Variants in GTPBP4 observed in about 807,000 individuals in gnomAD.
The protein encoded by GTPBP4 is GTP binding protein 4.
A neutral mutation model predicts 81.7 loss-of-function variants in GTPBP4; 15 were observed. That is an observed-to-expected ratio of 0.18 (90% CI 0.12 to 0.28). The LOEUF (loss-of-function observed/expected upper bound fraction) is 0.28, where lower values mean the gene tolerates loss of function less well. Among genes scored for constraint, GTPBP4 ranks in the 10% least tolerant of loss-of-function variants. The pLI is 1.00. For missense variants in GTPBP4, 847 were observed against 793.8 expected, an observed-to-expected ratio of 1.07 and a Z score of -0.81; for synonymous variants, 272 against 274.6, an observed-to-expected ratio of 0.99 and a Z score of 0.09.
At chr10:1,016,990 CAG>C (rs1832004944) in intron 16 of GTPBP4, 83 bp from the exon 17 acceptor site, 1 of 1,109,804 alleles carries the variant, frequency 9.0e-7, no homozygotes, top group Non-Finnish European at 1.3e-6. Flanking sequence ...AGCCATTAAA[CAG>C]ATTGTTACCC....
intron 8 of GTPBP4, among the ~76,000 whole-genome samples, chr10:1,005,036 C>T (rs1436188452): frequency 2.6e-5 from 4 of 152,166 alleles, no homozygotes; most frequent in Non-Finnish European, 4.4e-5. Context: ...AGGGCTGCTG[C>T]CATCCTCTTG....
intron 1 of GTPBP4, among the ~76,000 whole-genome samples, chr10:991,479 C>T (rs1287994122): frequency 6.6e-6 from 1 of 152,162 alleles, no homozygotes; most frequent in Non-Finnish European, 1.5e-5. Context: ...TCCCTTCCAT[C>T]TCTTTGGAAA....
intron 12 of GTPBP4, among the ~76,000 whole-genome samples, chr10:1,009,895 T>C (rs1203088590): frequency 6.6e-6 from 1 of 152,210 alleles, no homozygotes; most frequent in African/African-American, 2.4e-5. Flanking sequence ...CACGGGAGGC[T>C]GAGGTGGGAG....
intron 1 of GTPBP4, among the ~76,000 whole-genome samples, chr10:991,421 CTT>C (rs1448553315): frequency 6.6e-6 from 1 of 152,222 alleles, no homozygotes; most frequent in Non-Finnish European, 1.5e-5. Context: ...AGTGCTGACT[CTT>C]TGCACTGGGT....
chr10:993,764 A>G (rs1831490452), intron 2 of GTPBP4, among the ~76,000 whole-genome samples: 1 of 152,044 alleles, frequency 6.6e-6, no homozygotes, highest in South Asian at 2.1e-4. Context: ...GGCTTCTGTG[A>G]CAGTACTTCA....
chr10:1,005,697 A>C, intron 8 of GTPBP4, 121 bp from the exon 9 acceptor site: 1 of 658,682 alleles, frequency 1.5e-6, no homozygotes, highest in Non-Finnish European at 2.7e-6. Context: ...TCTGTTTTTT[A>C]AGACTTTGAA....
intron 15 of GTPBP4, among the ~76,000 whole-genome samples, chr10:1,015,251 T>C (rs956310832): frequency 1.3e-5 from 2 of 152,258 alleles, no homozygotes; most frequent in African/African-American, 4.8e-5. Flanking sequence ...GTCACTAATA[T>C]GAAAATACTG....
In GTPBP4 at chr10:997,306, A is replaced by G. The variant is rs1223218501; in HGVS notation, c.559A>G (p.Lys187Glu). 1.2e-5 allele frequency: 19 copies of G among 1,536,572 alleles called. No individual in the cohort carries two copies. The highest frequency in any genetic ancestry group is 1.7e-5 in the Non-Finnish European group (19 of 1,109,168). ...PNVGKSSFIN[K>E]VTRADVDVQP... ...TGTTGGGAAGTCCAGCTTCATCAAC[A>G]AGGTTGGTCTGGTTTTTATCGTAAA... is the stretch of plus-strand genomic sequence containing the variant. Residue 187 changes from lysine (K) to glutamate (E), a missense_variant and splice_region_variant, in exon 5 of 17, where the codon AAG becomes GAG. Transcript: ENST00000360803.
chr10:1,008,188 G>A (rs1831782793), intron 10 of GTPBP4: 3 of 452,540 alleles, frequency 6.6e-6, no homozygotes, highest in Non-Finnish European at 1.3e-5. Context: ...CGAGGCGGGT[G>A]GATCACCTGA....
At chr10:1,001,066 A>G in intron 8 of GTPBP4, 53 bp downstream of exon 8, 1 of 1,279,486 alleles carries the variant, frequency 7.8e-7, no homozygotes, top group Non-Finnish European at 1.1e-6. Flanking sequence ...CTGAATTCTC[A>G]TCTCAGACAA....
chr10:1,015,812 A>G lies in GTPBP4; in HGVS notation c.1668A>G (p.Glu556=), dbSNP rs766854430. The change falls in exon 16 of 17, where the codon GAA becomes GAG. Residue 556 remains glutamate (E), a synonymous_variant. Transcript: ENST00000360803. ...GCATCACTAGGAAAAGAAAGCGGGA[A>G]GACTCTGCTCCCCCGTCCTCTGTGG... ...SRSITRKRKR[E]DSAPPSSVAR... The G allele has an allele frequency of 6.2e-7, 1 of 1,614,050 alleles. No homozygotes were observed. Among genetic ancestry groups the G allele is most frequent in the Non-Finnish European group, 8.5e-7 (1 of 1,179,868 alleles).
intron 2 of GTPBP4, among the ~76,000 whole-genome samples, chr10:994,464 T>G (rs541408041): frequency 1.4e-4 from 21 of 152,006 alleles, no homozygotes; most frequent in African/African-American, 4.8e-4. Context: ...AGAGACGAGG[T>G]TTCTCCATGT....
chr10:1,014,253 A>T lies in GTPBP4; in HGVS notation c.1549A>T (p.Arg517Trp), dbSNP rs373137497. ...RMPRTAKKVQ[R>W]TVLEKEMRSL... is the part of the protein sequence containing the mutation. Reference sequence around the variant, plus strand: ...TTCTTTTTATCCTTCTCAGGTTCAGAGGACAGTTTTGGAGAAGGAGATGCG... The same window carrying T: ...TTCTTTTTATCCTTCTCAGGTTCAGTGGACAGTTTTGGAGAAGGAGATGCG... The change falls in exon 15 of 17, where the codon AGG (arginine) becomes TGG (tryptophan). Residue 517 changes from arginine (R) to tryptophan (W), a missense_variant. Arg to Trp is a moderately radical substitution (Grantham distance 101). Transcript: ENST00000360803. 2.5e-6 allele frequency: 4 copies of T among 1,594,264 alleles called. No individual in the cohort carries two copies. The highest frequency in any genetic ancestry group is 3.4e-6 in the Non-Finnish European group (4 of 1,162,132).
At chr10:1,005,388 A>C (rs894587305) in intron 8 of GTPBP4, among the ~76,000 whole-genome samples, 1 of 151,082 alleles carries the variant, frequency 6.6e-6, no homozygotes, top group Admixed American at 6.6e-5. Context: ...CTCATGATCC[A>C]CCCGCCTCGG....
At chr10:992,419 A>G in intron 1 of GTPBP4, 70 bp from the exon 2 acceptor site, 1 of 845,660 alleles carries the variant, frequency 1.2e-6, no homozygotes, top group African/African-American at 1.8e-5. Context: ...AAAAAAAAGG[A>G]AGGTTTCAAA....
intron 16 of GTPBP4, among the ~76,000 whole-genome samples, chr10:1,016,835 A>G (rs576742906): frequency 6.6e-6 from 1 of 151,944 alleles, no homozygotes; most frequent in African/African-American, 2.4e-5. Context: ...GAGATGTAAC[A>G]GGGGTAACTG....
At chr10:991,322 A>G (rs1441944002) in intron 1 of GTPBP4, among the ~76,000 whole-genome samples, 2 of 152,230 alleles carry the variant, frequency 1.3e-5, no homozygotes, top group Non-Finnish European at 2.9e-5. Flanking sequence ...TGAATTAATC[A>G]AAGTGTTCAA....
In GTPBP4 at chr10:1,014,382, C is replaced by T. The variant is rs574192580; in HGVS notation, c.1608+70C>T. ...TTTTTAATAAAGAAAACTGGCCGGG[C>T]GTGGTGGCTCATGCCTGTAATCCCA... On this transcript the variant is annotated intron_variant, in intron 15 of 16. Transcript: ENST00000360803. 2.4e-5 allele frequency: 27 copies of T among 1,131,262 alleles called. 1 individual carries two copies. The highest frequency in any genetic ancestry group is 1.2e-4 in the African/African-American group (8 of 65,624). The allele number at this position is 1,131,262 out of a possible 1,614,324, so 70.1% of individuals were successfully genotyped here.
chr10:1,011,962 T>C (rs779951506), intron 13 of GTPBP4, among the ~76,000 whole-genome samples: 1 of 152,254 alleles, frequency 6.6e-6, no homozygotes, highest in Non-Finnish European at 1.5e-5. Context: ...CAGCATCTCG[T>C]ACAGGCACAT....
Sources: gnomAD v4.1 joint callset for allele counts (sites outside exome capture counted in the v4.1 genomes callset) on GRCh38, gnomAD v4.1.1 for gene constraint, MANE v1.5 for transcripts, NCBI Gene and HGNC (gene_info 2026-07-23, HGNC 2026-07-21) for gene names.